THEMIS: variants seen among roughly 807,000 people sequenced by gnomAD.
THEMIS encodes the protein protein THEMIS.
Under a neutral mutation model 52.6 loss-of-function variants are expected in THEMIS, and 37 were observed. That is an observed-to-expected ratio of 0.70 (90% CI 0.54 to 0.93). The LOEUF (loss-of-function observed/expected upper bound fraction) is 0.93, where lower values mean the gene tolerates loss of function less well. Among genes scored for constraint, THEMIS ranks in the 40% least tolerant of loss-of-function variants. THEMIS has a pLI of 0.00. For missense variants in THEMIS, 808 were observed against 763.1 expected, an observed-to-expected ratio of 1.06 and a Z score of -0.69; for synonymous variants, 292 against 272.7, an observed-to-expected ratio of 1.07 and a Z score of -0.70.
intron 2 of THEMIS, among the ~76,000 whole-genome samples, chr6:127,834,770 A>G (rs977195604): frequency 1.3e-5 from 2 of 151,960 alleles, no homozygotes; most frequent in Non-Finnish European, 2.9e-5. Context: ...TAACATTTAA[A>G]CTCCTTGAAA....
intron 4 of THEMIS, among the ~76,000 whole-genome samples, chr6:127,791,438 C>A (rs534411520): frequency 3.2e-4 from 49 of 152,306 alleles, no homozygotes; most frequent in Non-Finnish European, 5.3e-4. Flanking sequence ...CTGCTCAAGT[C>A]TGGCTGAGTC....
intron 4 of THEMIS, among the ~76,000 whole-genome samples, chr6:127,807,858 C>T (rs574768462): frequency 6.6e-6 from 1 of 152,184 alleles, no homozygotes; most frequent in Non-Finnish European, 1.5e-5. Context: ...ACATTTCAGC[C>T]ACTGTAACTG....
At chr6:127,841,894 G>A (rs868073740) in intron 2 of THEMIS, among the ~76,000 whole-genome samples, 15 of 152,052 alleles carry the variant, frequency 9.9e-5, no homozygotes, top group African/African-American at 3.6e-4. Flanking sequence ...AGTGAGCACA[G>A]TGGGAAATAG....
intron 4 of THEMIS, among the ~76,000 whole-genome samples, chr6:127,774,228 C>G (rs189585939): frequency 6.6e-6 from 1 of 152,304 alleles, no homozygotes; most frequent in African/African-American, 2.4e-5. Flanking sequence ...TTCTTTGAGA[C>G]GGAGTCTCGC....
intron 4 of THEMIS, among the ~76,000 whole-genome samples, chr6:127,747,382 TATAG>T (rs1319825580): frequency 3.4e-5 from 5 of 145,710 alleles, no homozygotes; most frequent in Non-Finnish European, 7.5e-5. Context: ...TATTATATAT[TATAG>T]ATATAGATTT....
At chr6:127,822,475 C>T (rs1778373355) in intron 3 of THEMIS, among the ~76,000 whole-genome samples, 2 of 152,020 alleles carry the variant, frequency 1.3e-5, no homozygotes, top group Admixed American at 1.3e-4. Context: ...TCATAATCCT[C>T]ACTGAGAAAC....
chr6:127,723,543 G>T (rs574014585), intron 4 of THEMIS, among the ~76,000 whole-genome samples: 14 of 152,118 alleles, frequency 9.2e-5, no homozygotes, highest in African/African-American at 3.1e-4. Context: ...CTCCAGCGGG[G>T]AGGTAGAGAT....
In THEMIS at chr6:127,742,367, A is replaced by G. The variant is rs541845418; in HGVS notation, c.1759-22544T>C. On this transcript the variant is annotated intron_variant, in intron 4 of 5. Transcript: ENST00000368248. ...AAACAAAAAAACAAAAAAACAAAAC[A>G]AAACAAAGATAGAATCACCAAATGA... Among the ~76,000 whole-genome samples, 3 of 151,950 alleles carry G rather than the reference A, an allele frequency of 2.0e-5. No homozygotes were observed. The East Asian group carries it at 5.8e-4, about 29-fold the overall frequency.
At chr6:127,856,529 C>A (rs528058168) in intron 1 of THEMIS, among the ~76,000 whole-genome samples, 1 of 152,026 alleles carries the variant, frequency 6.6e-6, no homozygotes, top group South Asian at 2.1e-4. Context: ...CTAATGTCCC[C>A]ACAGAAGTCA....
chr6:127,875,563 C>G (rs1780289835), intron 1 of THEMIS, among the ~76,000 whole-genome samples: 1 of 152,196 alleles, frequency 6.6e-6, no homozygotes, highest in African/African-American at 2.4e-5. Context: ...GAAATATAAT[C>G]TGAGCTGCCC....
intron 1 of THEMIS, among the ~76,000 whole-genome samples, chr6:127,863,862 A>C (rs551338757): frequency 6.6e-6 from 1 of 152,328 alleles, no homozygotes; most frequent in African/African-American, 2.4e-5. Flanking sequence ...TTGCCAATCA[A>C]TGGTCAAAGT....
intron 1 of THEMIS, among the ~76,000 whole-genome samples, chr6:127,891,853 T>A (rs1780822313): frequency 6.6e-6 from 1 of 152,166 alleles, no homozygotes; most frequent in South Asian, 2.1e-4. Context: ...TCTTCTCATA[T>A]GTTCTTCTCC....
At chr6:127,704,710 C>T (rs1773778371), downstream of THEMIS, among the ~76,000 whole-genome samples, 1 of 152,154 alleles carries the variant, frequency 6.6e-6, no homozygotes, top group African/African-American at 2.4e-5. Context: ...GCAGCACATA[C>T]AAGACTGGGG....
intron 1 of THEMIS, among the ~76,000 whole-genome samples, chr6:127,908,642 C>T (rs751479706): frequency 7.2e-5 from 11 of 152,026 alleles, no homozygotes; most frequent in Non-Finnish European, 1.6e-4. Context: ...AAAATGAAGC[C>T]CTTATATTCA....
At position 127,829,782 on chromosome 6, in the gene THEMIS, G is replaced by T. The variant is rs765387427; in HGVS notation, c.403C>A (p.Gln135Lys). 3 of 1,614,036 alleles carry T rather than the reference G, an allele frequency of 1.9e-6. No homozygotes were observed. Among genetic ancestry groups the T allele is most frequent in the Admixed American group, 1.7e-5 (1 of 60,020 alleles). The change falls in exon 3 of 6, where the codon CAA becomes AAA. Residue 135 changes from glutamine (Q) to lysine (K), a missense_variant. Transcript: ENST00000368248. The part of the protein sequence containing the change: ...LENLIIKQGE[Q>K]IMLNSVEEID... ...TCTTCAACTGAGTTGAGCATGATTT[G>T]CTCACCCTGCTTTATGATGAGGTTC... is the stretch of plus-strand genomic sequence containing the variant.
At chr6:127,757,510 T>C (rs1020479872) in intron 4 of THEMIS, among the ~76,000 whole-genome samples, 1 of 151,178 alleles carries the variant, frequency 6.6e-6, no homozygotes, top group Non-Finnish European at 1.5e-5. Context: ...TGAGACGGAG[T>C]CTCGCTTTGT....
At chr6:127,802,938 G>A (rs1777584482) in intron 4 of THEMIS, among the ~76,000 whole-genome samples, 2 of 152,136 alleles carry the variant, frequency 1.3e-5, no homozygotes, top group Admixed American at 1.3e-4. Flanking sequence ...TGAATTTTCT[G>A]AATGTGTTTT....
At chr6:127,736,154 G>A (rs1774998068) in intron 4 of THEMIS, among the ~76,000 whole-genome samples, 2 of 152,124 alleles carry the variant, frequency 1.3e-5, no homozygotes, top group South Asian at 4.1e-4. Flanking sequence ...ACTTAGTCAA[G>A]AACAAAACAT....
intron 3 of THEMIS, among the ~76,000 whole-genome samples, chr6:127,815,969 C>T (rs537592827): frequency 1.3e-5 from 2 of 152,262 alleles, no homozygotes; most frequent in South Asian, 4.1e-4. Context: ...GACTTTATTG[C>T]TGCTGGAGAA....
Sources: allele counts gnomAD v4.1 joint callset (sites outside exome capture counted in the v4.1 genomes callset), GRCh38; gene constraint gnomAD v4.1.1; transcripts MANE v1.5; gene names NCBI Gene and HGNC (gene_info 2026-07-23, HGNC 2026-07-21).